RPL17: variants seen among roughly 807,000 people sequenced by gnomAD.
The protein encoded by RPL17 is ribosomal protein L17, also known as large ribosomal subunit protein uL22.
Under a neutral mutation model 27.7 loss-of-function variants are expected in RPL17, and 2 were observed. The observed-to-expected ratio is 0.07, with a 90% confidence interval of 0.03 to 0.23. The LOEUF is 0.23. Among genes scored for constraint, RPL17 ranks in the 10% least tolerant of loss-of-function variants. The probability of loss-of-function intolerance (pLI) is 1.00; values close to 1 mark genes in which losing one functional copy is unlikely to be tolerated. For synonymous variants in RPL17, 76 were observed against 75.5 expected, an observed-to-expected ratio of 1.01 and a Z score of -0.03; for missense variants, 141 against 238.8, an observed-to-expected ratio of 0.59 and a Z score of 2.70.
intron 1 of RPL17, chr18:49,491,865 A>C (rs533568207): frequency 3.5e-5 from 20 of 564,174 alleles, no homozygotes; most frequent in Non-Finnish European, 6.5e-5. Flanking sequence ...GTTTCAATCC[A>C]ATGCTGGATC....
chr18:49,491,579 G>T lies in RPL17; in HGVS notation c.-8C>A. On this transcript the variant is annotated 5_prime_UTR_variant, in exon 2 of 7. In the 5' UTR this introduces an upstream ATG that the reference lacks. Coordinates refer to ENST00000580261, the MANE Select transcript of RPL17 (RefSeq NM_001035006.5). ...AAGTGAATAGCGAACCATTTTCACA[G>T]ATCACCTAGAGGAAAGTACAGTGTA... The T allele has an allele frequency of 1.2e-6, 2 of 1,614,166 alleles. No individual in the cohort carries two copies. The highest frequency in any genetic ancestry group is 1.1e-5 in the South Asian group (1 of 91,074).
chr18:49,491,854 T>C (rs1292665067), intron 1 of RPL17: 1 of 616,466 alleles, frequency 1.6e-6, no homozygotes, highest in Non-Finnish European at 3.0e-6. Context: ...AAATACAGCC[T>C]GTTTCAATCC....
intron 6 of RPL17, 142 bp downstream of exon 6, chr18:49,489,216 AC>A: frequency 1.1e-6 from 1 of 899,180 alleles, no homozygotes. Flanking sequence ...AAACAAACTT[AC>A]AAAAGCCAAA....
chr18:49,489,848 C>T (rs6507921), intron 5 of RPL17, among the ~76,000 whole-genome samples: 70,180 of 151,882 alleles, frequency 0.46, 16,537 homozygotes, highest in African/African-American at 0.55. Context: ...GAACCCAATT[C>T]GAAGTCTTGA....
intron 5 of RPL17, 114 bp downstream of exon 5, chr18:49,490,340 A>T (rs1394191604): frequency 7.9e-6 from 9 of 1,145,860 alleles, no homozygotes; most frequent in African/African-American, 4.3e-5. Context: ...GTAGAAATTT[A>T]AAAAATCCTA....
intron 3 of RPL17, chr18:49,491,170 A>C (rs1168287288): frequency 3.4e-6 from 3 of 885,744 alleles, no homozygotes; most frequent in Non-Finnish European, 5.4e-6. Context: ...TACAATTAAA[A>C]TGCCCCATCT....
chr18:49,491,839 G>T, intron 1 of RPL17: 1 of 674,632 alleles, frequency 1.5e-6, no homozygotes, highest in South Asian at 1.4e-5. Flanking sequence ...CAACCCTTTG[G>T]AAGAAAATAC....
chr18:49,490,962 T>C (rs770426248), intron 3 of RPL17, 35 bp from the exon 4 acceptor site: 6 of 1,609,260 alleles, frequency 3.7e-6, no homozygotes, highest in Non-Finnish European at 1.7e-6. Flanking sequence ...GTTAACTAGA[T>C]CAAAGCTTTA....
rs1446696068 is a variant in RPL17 at position 49,491,142 on chromosome 18, A to G, written c.82-215T>C. The G allele has an allele frequency of 1.6e-5, 15 of 909,300 alleles. No individual in the cohort carries two copies. In the East Asian group the frequency reaches 3.6e-4, roughly 22 times the overall value. The allele number at this position is 909,300 out of a possible 1,614,324, so 56.3% of individuals were successfully genotyped here. Reference sequence around the variant, plus strand: ...CATTTATTCACTATAAAACGTTTAAATTCCATCATCATGTAATTACAATTA... The same window carrying G: ...CATTTATTCACTATAAAACGTTTAAGTTCCATCATCATGTAATTACAATTA... On this transcript the variant is annotated intron_variant, in intron 3 of 6. Coordinates refer to ENST00000580261, the MANE Select transcript of RPL17 (RefSeq NM_001035006.5).
chr18:49,490,209 GA>G, intron 5 of RPL17: 1 of 428,796 alleles, frequency 2.3e-6, no homozygotes, highest in Non-Finnish European at 4.2e-6. Context: ...CAGAAAACTA[GA>G]AATACTAAGT....
At chr18:49,490,662 T>C in intron 4 of RPL17, 110 bp from the exon 5 acceptor site, 2 of 1,587,718 alleles carry the variant, frequency 1.3e-6, no homozygotes, top group Non-Finnish European at 8.6e-7. Context: ...TATTTCACCA[T>C]CAATCCAAGG....
At chr18:49,489,289 T>C (rs777898961) in intron 6 of RPL17, 70 bp downstream of exon 6, 4 of 1,542,668 alleles carry the variant, frequency 2.6e-6, no homozygotes, top group Non-Finnish European at 3.6e-6. Context: ...AAAGGTGTCC[T>C]AAGATAGTCA....
At chr18:49,490,615 G>A in intron 4 of RPL17, 63 bp from the exon 5 acceptor site, 1 of 1,607,354 alleles carries the variant, frequency 6.2e-7, no homozygotes, top group Admixed American at 1.7e-5. Flanking sequence ...CAGCCAAGAT[G>A]AATTTATCTG....
At chr18:49,491,128 T>A (rs1205867801) in intron 3 of RPL17, 2 of 936,604 alleles carry the variant, frequency 2.1e-6, no homozygotes, top group Non-Finnish European at 3.3e-6. Flanking sequence ...ATTTATTCAC[T>A]ATAAAACGTT....
At chr18:49,490,675 T>C (rs1012719675) in intron 4 of RPL17, 118 bp downstream of exon 4, 1 of 1,586,068 alleles carries the variant, frequency 6.3e-7, no homozygotes. Context: ...ATCCAAGGTG[T>C]CCTGTCATTA....
chr18:49,491,331 GAA>G (rs1443213542), intron 3 of RPL17, 72 bp downstream of exon 3: 23 of 1,606,784 alleles, frequency 1.4e-5, no homozygotes, highest in Non-Finnish European at 1.9e-5. Context: ...GGTGTCCTAA[GAA>G]AGTCATCACT....
Position 49,489,582 on chromosome 18 carries a change from G to T in RPL17, c.316-32C>A, listed in dbSNP as rs757949630. ...AAGAAAGGAAGGAGAATGAAACCAGGAACATCCTTAATTAGTAAAACACCA... is the reference window on the plus strand; with the variant it reads ...AAGAAAGGAAGGAGAATGAAACCAGTAACATCCTTAATTAGTAAAACACCA... On this transcript the variant is annotated intron_variant, in intron 5 of 6. Transcript: ENST00000580261. 5 of 1,594,764 alleles carry T rather than the reference G, an allele frequency of 3.1e-6. No individual in the cohort carries two copies. The Admixed American group carries it at 6.7e-5, about 21-fold the overall frequency.
chr18:49,491,679 G>T, intron 1 of RPL17, 95 bp from the exon 2 acceptor site: 2 of 1,454,984 alleles, frequency 1.4e-6, no homozygotes, highest in Non-Finnish European at 1.9e-6. Context: ...TCAGAGAGTA[G>T]TTGTTTTCAT....
At chr18:49,491,912 A>G in intron 1 of RPL17, 2 of 439,554 alleles carry the variant, frequency 4.6e-6, no homozygotes, top group Non-Finnish European at 8.6e-6. Flanking sequence ...TCCGCAGGGC[A>G]CAACTCAACC....
Sources: allele counts gnomAD v4.1 joint callset (sites outside exome capture counted in the v4.1 genomes callset), GRCh38; gene constraint gnomAD v4.1.1; transcripts MANE v1.5; gene names NCBI Gene and HGNC (gene_info 2026-07-23, HGNC 2026-07-21).